LGSN: variants seen among roughly 807,000 people sequenced by gnomAD.
The protein encoded by LGSN is lengsin, lens protein with glutamine synthetase domain, also known as lengsin.
A neutral mutation model predicts 19.5 loss-of-function variants in LGSN; 21 were observed. The ratio of observed to expected loss-of-function variants is 1.07; its 90% CI spans 0.76 to 1.55. The LOEUF is 1.55. Among genes scored for constraint, LGSN ranks in the 40% most tolerant of loss-of-function variants. The pLI is 0.00. For missense variants in LGSN, 673 were observed against 608.5 expected, an observed-to-expected ratio of 1.11 and a Z score of -1.12; for synonymous variants, 257 against 215.6, an observed-to-expected ratio of 1.19 and a Z score of -1.68.
At chr6:63,303,468 T>C (rs535958861) in intron 1 of LGSN, among the ~76,000 whole-genome samples, 2 of 152,236 alleles carry the variant, frequency 1.3e-5, no homozygotes, top group Non-Finnish European at 2.9e-5. Context: ...TAGGCAAGTC[T>C]AACTGAATGG....
the LGSN span, among the ~76,000 whole-genome samples, chr6:63,467,278 C>G: frequency 1.3e-5 from 2 of 149,414 alleles, no homozygotes; most frequent in African/African-American, 4.9e-5. Context: ...AAGTGAAATA[C>G]AAAAAAAAAA....
chr6:63,357,165 C>T, the LGSN span, among the ~76,000 whole-genome samples: 1 of 152,096 alleles, frequency 6.6e-6, no homozygotes, highest in Non-Finnish European at 1.5e-5. Flanking sequence ...ATGAACTCAT[C>T]ATTTTTTTAT....
chr6:63,474,175 T>C, the LGSN span, among the ~76,000 whole-genome samples: 3 of 152,244 alleles, frequency 2.0e-5, no homozygotes, highest in African/African-American at 7.2e-5. Flanking sequence ...GCCTGTACTC[T>C]TCAGTTCAAC....
At chr6:63,449,769 G>A in the LGSN span, among the ~76,000 whole-genome samples, 60 of 152,164 alleles carry the variant, frequency 3.9e-4, no homozygotes, top group African/African-American at 1.4e-3. Context: ...ATAGTGGTTG[G>A]ATCCTAAGAA....
chr6:63,412,529 G>GAAAGAAA, the LGSN span, among the ~76,000 whole-genome samples: 7 of 32,398 alleles, frequency 2.2e-4, no homozygotes, highest in Admixed American at 8.6e-4. Flanking sequence ...AAAGAAAGAA[G>GAAAGAAA]GAAAGAAAGA....
At chr6:63,358,938 T>C in the LGSN span, among the ~76,000 whole-genome samples, 1 of 152,218 alleles carries the variant, frequency 6.6e-6, no homozygotes, top group Admixed American at 6.5e-5. Flanking sequence ...CTTCCAGTTT[T>C]TGTCCATTCA....
the LGSN span, among the ~76,000 whole-genome samples, chr6:63,513,516 G>A: frequency 6.6e-6 from 1 of 152,068 alleles, no homozygotes; most frequent in African/African-American, 2.4e-5. Context: ...CCACTTCTTG[G>A]AAAAGTAATA....
At chr6:63,401,325 A>G in the LGSN span, among the ~76,000 whole-genome samples, 8 of 151,880 alleles carry the variant, frequency 5.3e-5, no homozygotes, top group South Asian at 2.1e-4. Context: ...ACTTGAATCC[A>G]GGAAGTTGAG....
the LGSN span, among the ~76,000 whole-genome samples, chr6:63,432,088 GGAAAGAAAGAAAGAAAGAAA>G: frequency 0.03 from 1,347 of 44,716 alleles, 36 homozygotes; most frequent in East Asian, 0.051. Context: ...AGAAAAAGAA[GGAAAGAAAGAAAGAAAGAAA>G]GAAAGAAAGA....
the LGSN span, among the ~76,000 whole-genome samples, chr6:63,459,579 A>C: frequency 1.3e-5 from 2 of 150,942 alleles, no homozygotes; most frequent in African/African-American, 2.4e-5. Flanking sequence ...AAATCTATTC[A>C]TTCTTTCAGG....
the LGSN span, among the ~76,000 whole-genome samples, chr6:63,472,625 G>A: frequency 2.0e-5 from 3 of 152,094 alleles, no homozygotes; most frequent in Non-Finnish European, 2.9e-5. Flanking sequence ...AAGGCAGAAA[G>A]ACAGCCCCCT....
At chr6:63,393,770 C>T in the LGSN span, among the ~76,000 whole-genome samples, 5 of 152,276 alleles carry the variant, frequency 3.3e-5, no homozygotes, top group Non-Finnish European at 7.3e-5. Context: ...ATTAAACCTT[C>T]GCTCTTAAAC....
chr6:63,551,469 A>G, the LGSN span, among the ~76,000 whole-genome samples: 2 of 152,084 alleles, frequency 1.3e-5, no homozygotes, highest in Non-Finnish European at 2.9e-5. Context: ...ATTTTCACCT[A>G]TTTCTTTCCA....
chr6:63,388,008 G>A, the LGSN span, among the ~76,000 whole-genome samples: 21 of 151,926 alleles, frequency 1.4e-4, no homozygotes, highest in African/African-American at 4.8e-4. Context: ...TGGGATAACA[G>A]GTGCCCACCA....
rs80186184 is a variant in LGSN, at chr6:63,282,548, A to T, written c.331-1328T>A. Among the ~76,000 whole-genome samples, 90 of 152,162 alleles carry T rather than the reference A, an allele frequency of 5.9e-4. No homozygotes were observed. In the East Asian group the frequency reaches 0.017, roughly 28 times the overall value. ...AGACTATTTCTTATGCTACCTCCAG[A>T]CCCCAAGAAGCATGGCTATCAAAGA... On this transcript the variant is annotated intron_variant, in intron 3 of 3. Coordinates refer to ENST00000370657, the MANE Select transcript of LGSN (RefSeq NM_016571.3).
the LGSN span, among the ~76,000 whole-genome samples, chr6:63,506,965 GAGT>G: frequency 6.6e-6 from 1 of 152,126 alleles, no homozygotes; most frequent in Non-Finnish European, 1.5e-5. Context: ...AGGAGTGAGG[GAGT>G]AGAAGAATGA....
At chr6:63,434,455 A>G in the LGSN span, among the ~76,000 whole-genome samples, 182 of 147,940 alleles carry the variant, frequency 1.2e-3, no homozygotes, top group Middle Eastern at 3.6e-3. Context: ...AAAAAAAAAA[A>G]AAGAAGAAGT....
the LGSN span, among the ~76,000 whole-genome samples, chr6:63,425,984 G>C: frequency 1.3e-5 from 2 of 151,982 alleles, no homozygotes; most frequent in African/African-American, 4.8e-5. Flanking sequence ...ATCTGTCTCT[G>C]TATTATTCCT....
chr6:63,358,104 G>T, the LGSN span, among the ~76,000 whole-genome samples: 136 of 152,252 alleles, frequency 8.9e-4, no homozygotes, highest in African/African-American at 1.3e-3. Flanking sequence ...TTTCCCCATT[G>T]CTTGTTTTTG....
Sources: gnomAD v4.1 joint callset for allele counts (sites outside exome capture counted in the v4.1 genomes callset) on GRCh38, gnomAD v4.1.1 for gene constraint, MANE v1.5 for transcripts, NCBI Gene and HGNC (gene_info 2026-07-23, HGNC 2026-07-21) for gene names.